Variants in RBPJ observed in about 807,000 individuals in gnomAD.
RBPJ encodes recombining binding protein suppressor of hairless.
Under a neutral mutation model 67.8 loss-of-function variants are expected in RBPJ, and 9 were observed. The observed-to-expected ratio is 0.13, with a 90% CI of 0.08 to 0.23. RBPJ has a LOEUF of 0.23. RBPJ is among the 10% of genes least tolerant of loss of function. The pLI is 1.00. For missense variants in RBPJ, 305 were observed against 595.6 expected, an observed-to-expected ratio of 0.51 and a Z score of 5.08; for synonymous variants, 198 against 203.3, an observed-to-expected ratio of 0.97 and a Z score of 0.22.
chr4:26,152,456 A>T, the RBPJ span, among the ~76,000 whole-genome samples: 51 of 152,352 alleles, frequency 3.3e-4, no homozygotes, highest in Non-Finnish European at 5.6e-4. Context: ...TTGTGATGGG[A>T]AAACTTGCAT....
At chr4:26,333,142 T>C (rs1242096002) in intron 1 of RBPJ, among the ~76,000 whole-genome samples, 2 of 152,090 alleles carry the variant, frequency 1.3e-5, no homozygotes, top group Non-Finnish European at 2.9e-5. Flanking sequence ...GCAAGAATAG[T>C]GTATATGGAG....
chr4:26,376,578 T>C (rs1309321503), intron 1 of RBPJ, among the ~76,000 whole-genome samples: 5 of 152,252 alleles, frequency 3.3e-5, no homozygotes, highest in African/African-American at 1.2e-4. Context: ...TTGTGAATAA[T>C]GGTACTATGA....
At chr4:26,320,633 T>C, upstream of RBPJ, 1 of 1,196,238 alleles carries the variant, frequency 8.4e-7, no homozygotes, top group East Asian at 2.7e-5. Context: ...TCCTCCCTTC[T>C]CCTCGGCCCC....
chr4:26,130,673 T>C, the RBPJ span, among the ~76,000 whole-genome samples: 1 of 152,214 alleles, frequency 6.6e-6, no homozygotes, highest in African/African-American at 2.4e-5. Flanking sequence ...AATGATCTAC[T>C]CCTTTTTCTA....
upstream of RBPJ, among the ~76,000 whole-genome samples, chr4:26,320,231 C>T (rs755291798): frequency 3.9e-5 from 6 of 152,194 alleles, no homozygotes; most frequent in East Asian, 1.9e-4. Flanking sequence ...AGAACTACTC[C>T]GCGCTCTGGC....
chr4:26,335,951 G>A (rs537866569), intron 1 of RBPJ, among the ~76,000 whole-genome samples: 1 of 152,220 alleles, frequency 6.6e-6, no homozygotes, highest in East Asian at 1.9e-4. Context: ...TGTAGTTTTG[G>A]TGTTTGTTCT....
intron 1 of RBPJ, among the ~76,000 whole-genome samples, chr4:26,206,849 T>G (rs536607844): frequency 1.3e-5 from 2 of 152,264 alleles, no homozygotes; most frequent in East Asian, 3.9e-4. Context: ...TTTTGGTCTT[T>G]TTTTTTCTGA....
chr4:26,379,972 A>C (rs1185196105), intron 1 of RBPJ, among the ~76,000 whole-genome samples: 1 of 152,180 alleles, frequency 6.6e-6, no homozygotes, highest in African/African-American at 2.4e-5. Context: ...GTTAGTGGCC[A>C]AGGACAACTG....
chr4:26,185,580 G>GTCCCTCGGTC (rs1436281992), intron 1 of RBPJ, among the ~76,000 whole-genome samples: 1 of 152,188 alleles, frequency 6.6e-6, no homozygotes, highest in East Asian at 1.9e-4. Flanking sequence ...ATTATCCAGA[G>GTCCCTCGGTC]TCCCTCGGTC....
In RBPJ at chr4:26,292,523, C is replaced by T. The variant is rs545550214; in HGVS notation, c.-166-69923C>T. Among the ~76,000 whole-genome samples, 132 of 150,420 alleles carry T rather than the reference C, an allele frequency of 8.8e-4. 7 individuals carry two copies. The highest frequency in any genetic ancestry group is 9.8e-4 in the Non-Finnish European group (66 of 67,484). On this transcript the variant is annotated intron_variant, in intron 1 of 4. Transcript: ENST00000512351. Reference sequence around the variant, plus strand: ...GCAACCTCTGCCTCCCGGGTTCAAGCGATTCTCCTGTCTCAGCCTCCCGAG... The same window carrying T: ...GCAACCTCTGCCTCCCGGGTTCAAGTGATTCTCCTGTCTCAGCCTCCCGAG...
At chr4:26,383,533 A>C (rs1044843608) in intron 1 of RBPJ, among the ~76,000 whole-genome samples, 7 of 152,236 alleles carry the variant, frequency 4.6e-5, no homozygotes, top group Non-Finnish European at 1.5e-5. Context: ...GAATTTGGTC[A>C]TACCTCACTT....
At chr4:26,320,996 G>A, upstream of RBPJ, 4 of 1,613,782 alleles carry the variant, frequency 2.5e-6, no homozygotes, top group Non-Finnish European at 3.4e-6. Flanking sequence ...GGAATCTCGC[G>A]AGGGTTGGAG....
chr4:26,329,459 G>A (rs1560269645), intron 1 of RBPJ, among the ~76,000 whole-genome samples: 2 of 152,144 alleles, frequency 1.3e-5, no homozygotes, highest in Admixed American at 6.5e-5. Flanking sequence ...TAGGGAACTT[G>A]GGAATAATTG....
intron 1 of RBPJ, among the ~76,000 whole-genome samples, chr4:26,349,283 G>A (rs1225942907): frequency 6.6e-6 from 1 of 151,982 alleles, no homozygotes. Flanking sequence ...TGTTGCCCAG[G>A]CTGGCCTCAA....
intron 1 of RBPJ, among the ~76,000 whole-genome samples, chr4:26,191,198 T>TAC: frequency 3.5e-5 from 1 of 28,978 alleles, no homozygotes; most frequent in Non-Finnish European, 6.5e-5. Context: ...TATATATATA[T>TAC]ATATATATAT....
At chr4:26,413,857 G>A (rs901793767) in intron 3 of RBPJ, among the ~76,000 whole-genome samples, 2 of 152,054 alleles carry the variant, frequency 1.3e-5, no homozygotes, top group African/African-American at 4.8e-5. Context: ...GTTAATAAGT[G>A]TAAATTAGTT....
intron 1 of RBPJ, among the ~76,000 whole-genome samples, chr4:26,297,495 C>T (rs1325169878): frequency 1.3e-5 from 2 of 151,954 alleles, no homozygotes; most frequent in Admixed American, 6.6e-5. Context: ...TGCTGGCCTT[C>T]GCTTCCACGT....
chr4:26,265,971 G>A (rs963845642), intron 1 of RBPJ, among the ~76,000 whole-genome samples: 3 of 152,064 alleles, frequency 2.0e-5, no homozygotes, highest in African/African-American at 7.3e-5. Context: ...GGGAGGCAGA[G>A]GTTGCTTCAC....
intron 1 of RBPJ, among the ~76,000 whole-genome samples, chr4:26,169,787 C>T (rs1320359826): frequency 1.3e-5 from 2 of 152,192 alleles, no homozygotes; most frequent in African/African-American, 4.8e-5. Context: ...GGTGGGCGCC[C>T]CTCCCCCAGC....
Sources: allele counts gnomAD v4.1 joint callset (sites outside exome capture counted in the v4.1 genomes callset), GRCh38; gene constraint gnomAD v4.1.1; transcripts MANE v1.5; gene names NCBI Gene and HGNC (gene_info 2026-07-23, HGNC 2026-07-21).